The following RNF149 variants were observed in gnomAD, a reference collection of about 807,000 sequenced individuals.
The protein encoded by RNF149 is ring finger protein 149, also known as E3 ubiquitin-protein ligase RNF149.
Under a neutral mutation model 39.0 loss-of-function variants are expected in RNF149, and 21 were observed. The observed-to-expected ratio is 0.54, with a 90% CI of 0.38 to 0.77. The LOEUF (loss-of-function observed/expected upper bound fraction) is 0.77. Among genes scored for constraint, RNF149 ranks in the 30% least tolerant of loss-of-function variants. The probability of loss-of-function intolerance (pLI) is 0.00; values close to 1 mark genes in which losing one functional copy is unlikely to be tolerated. For missense variants in RNF149, 493 were observed against 534.9 expected (o/e 0.92, Z 0.77); for synonymous variants, 209 against 213.6 (o/e 0.98, Z 0.19).
chr2:101,297,118 A>T (rs1215205162), intron 1 of RNF149, among the ~76,000 whole-genome samples: 1 of 152,138 alleles, frequency 6.6e-6, no homozygotes. Flanking sequence ...CAGAGATAGG[A>T]GAATTGCTTG....
At chr2:101,303,077 G>C (rs17025378) in intron 1 of RNF149, among the ~76,000 whole-genome samples, 24,251 of 151,722 alleles carry the variant, frequency 0.16, 2,355 homozygotes, top group African/African-American at 0.26. Flanking sequence ...CCTCTGTGAG[G>C]CTATGAGGTG....
intron 5 of RNF149, among the ~76,000 whole-genome samples, 175 bp from the exon 6 acceptor site, chr2:101,282,232 C>A (rs1263785908): frequency 2.0e-5 from 3 of 151,438 alleles, no homozygotes; most frequent in African/African-American, 4.9e-5. Flanking sequence ...AATTCCTTCT[C>A]GACAACCAAT....
downstream of RNF149, among the ~76,000 whole-genome samples, chr2:101,274,363 T>C (rs1056863721): frequency 6.6e-6 from 1 of 152,244 alleles, no homozygotes; most frequent in Non-Finnish European, 1.5e-5. Context: ...TCCCTGCAGA[T>C]GGACTTGCCA....
chr2:101,302,993 A>C (rs1426197165), intron 1 of RNF149, among the ~76,000 whole-genome samples: 1 of 151,532 alleles, frequency 6.6e-6, no homozygotes, highest in African/African-American at 2.4e-5. Flanking sequence ...AAAAAAAAAA[A>C]AAAACAAAAA....
At chr2:101,301,922 G>A (rs1352392834) in intron 1 of RNF149, among the ~76,000 whole-genome samples, 2 of 152,148 alleles carry the variant, frequency 1.3e-5, no homozygotes, top group Non-Finnish European at 2.9e-5. Flanking sequence ...TTAGATTTCT[G>A]TTCTAGAAAA....
At chr2:101,281,274 A>G (rs549502396) in intron 6 of RNF149, among the ~76,000 whole-genome samples, 1 of 152,264 alleles carries the variant, frequency 6.6e-6, no homozygotes, top group East Asian at 1.9e-4. Flanking sequence ...AAAGAGCTTC[A>G]TATATTAAGT....
chr2:101,300,648 T>C (rs1016840927), intron 1 of RNF149, among the ~76,000 whole-genome samples: 3 of 152,210 alleles, frequency 2.0e-5, no homozygotes, highest in African/African-American at 4.8e-5. Context: ...ACCCTGTCTC[T>C]ATTAAAGCAA....
At chr2:101,306,955 T>C (rs1428688462) in intron 1 of RNF149, among the ~76,000 whole-genome samples, 1 of 152,162 alleles carries the variant, frequency 6.6e-6, no homozygotes, top group Non-Finnish European at 1.5e-5. Context: ...AAACCAAAAC[T>C]AACCACATTA....
intron 5 of RNF149, 109 bp downstream of exon 5, chr2:101,285,972 G>T: frequency 1.6e-6 from 1 of 630,192 alleles, no homozygotes; most frequent in East Asian, 2.7e-5. Context: ...AGAACTACAA[G>T]GATATTAGGA....
At chr2:101,272,889 G>T, downstream of RNF149, 2 of 1,222,192 alleles carry the variant, frequency 1.6e-6, no homozygotes, top group Non-Finnish European at 2.2e-6. Flanking sequence ...TTCTCTTTGG[G>T]ATGCCTTTCT....
chr2:101,277,310 T>A, intron 6 of RNF149, 29 bp from the exon 7 acceptor site: 1 of 1,602,898 alleles, frequency 6.2e-7, no homozygotes, highest in Non-Finnish European at 8.5e-7. Flanking sequence ...AGCTACTCCA[T>A]CAGAAGAGGG....
Position 101,286,065 on chromosome 2 carries a change from C to G in RNF149, c.960+16G>C. 6.6e-7 allele frequency: 1 copy of G among 1,507,560 alleles called. No individual in the cohort carries two copies. The highest frequency in any genetic ancestry group is 1.1e-5 in the South Asian group (1 of 87,150). 93.4% of individuals were successfully genotyped at this position (1,507,560 alleles called of 1,614,324 possible). On this transcript the variant is annotated intron_variant, in intron 5 of 6. Coordinates refer to ENST00000295317, the MANE Select transcript of RNF149 (RefSeq NM_173647.4). ...AACTGGGGCAGAGATTGAATATAAA[C>G]AAAAATGTAACAAACCCAATATCCT...
chr2:101,286,008 T>C, intron 5 of RNF149, 73 bp downstream of exon 5: 1 of 860,766 alleles, frequency 1.2e-6, no homozygotes, highest in Non-Finnish European at 1.9e-6. Flanking sequence ...CTCTTGTTTC[T>C]AGTCAATAAT....
rs745448898 is a variant in RNF149, at chr2:101,277,002, A to T, written c.*236T>A. ...CCCAGTTGTCTTTGTAATAGTCTGA[A>T]GCAACACACTGTTCATGGTAAACAC... On this transcript the variant is annotated 3_prime_UTR_variant, in exon 7 of 7. Transcript: ENST00000295317. The T allele has an allele frequency of 8.0e-6, 10 of 1,245,268 alleles. No individual in the cohort carries two copies. Among genetic ancestry groups the T allele is most frequent in the Non-Finnish European group, 1.0e-5 (10 of 983,462 alleles). 77.1% of individuals were successfully genotyped at this position (1,245,268 alleles called of 1,614,324 possible). A position where few individuals can be genotyped will look rare whatever the true frequency, so the allele number is the denominator to read the frequency against.
intron 1 of RNF149, among the ~76,000 whole-genome samples, chr2:101,296,333 A>G (rs186424504): frequency 6.6e-6 from 1 of 152,348 alleles, no homozygotes; most frequent in East Asian, 1.9e-4. Context: ...ACATGTATTT[A>G]GCTACAAATT....
At chr2:101,282,597 G>A (rs948604476) in intron 5 of RNF149, among the ~76,000 whole-genome samples, 1 of 152,178 alleles carries the variant, frequency 6.6e-6, no homozygotes, top group African/African-American at 2.4e-5. Flanking sequence ...GGAAGACAGT[G>A]AAAGTGGAGG....
chr2:101,294,208 T>A, intron 2 of RNF149, 126 bp from the exon 3 acceptor site: 1 of 588,992 alleles, frequency 1.7e-6, no homozygotes, highest in Non-Finnish European at 3.0e-6. Flanking sequence ...CAAAGTCAAA[T>A]GACTATACTG....
chr2:101,289,334 AGC>A (rs1682915575), intron 3 of RNF149, among the ~76,000 whole-genome samples: 1 of 152,220 alleles, frequency 6.6e-6, no homozygotes, highest in African/African-American at 2.4e-5. Context: ...TCATATATTT[AGC>A]CATGTGCACC....
At position 101,294,926 on chromosome 2, in the gene RNF149, A is replaced by AT. The variant is rs1244171602; in HGVS notation, c.711+4dup. On this transcript the variant is annotated splice_donor_region_variant and intron_variant, in intron 2 of 6. Transcript: ENST00000295317. ...AAAGCAAAATTCAGAGTTATCCATC[A>AT]TTACCTGACTTCCAATCTGAGAGCC... is the stretch of plus-strand genomic sequence containing the variant. The AT allele has an allele frequency of 6.2e-7, 1 of 1,606,916 alleles. No individual in the cohort carries two copies. Among genetic ancestry groups the AT allele is most frequent in the East Asian group, 2.2e-5 (1 of 44,744 alleles).
Sources: allele counts gnomAD v4.1 joint callset (sites outside exome capture counted in the v4.1 genomes callset), GRCh38; gene constraint gnomAD v4.1.1; transcripts MANE v1.5; gene names NCBI Gene and HGNC (gene_info 2026-07-23, HGNC 2026-07-21).